Variants in TBC1D1 observed in about 807,000 individuals in gnomAD.
TBC1D1 encodes TBC1 (tre-2/USP6, BUB2, cdc16) domain family, member 1.
Under a neutral mutation model 125.6 loss-of-function variants are expected in TBC1D1, and 89 were observed. The observed-to-expected ratio is 0.71, with a 90% CI of 0.60 to 0.85. The LOEUF (loss-of-function observed/expected upper bound fraction) is 0.85. Ranked by LOEUF, TBC1D1 falls within the 40% of genes least tolerant of loss-of-function variation. TBC1D1 has a pLI of 0.00. For synonymous variants in TBC1D1, 565 were observed against 564.1 expected (o/e 1.00, Z -0.02); for missense variants, 1,377 against 1,469.2 (o/e 0.94, Z 1.03).
intron 2 of TBC1D1, among the ~76,000 whole-genome samples, chr4:37,991,982 A>G (rs962787917): frequency 6.6e-6 from 1 of 152,252 alleles, no homozygotes; most frequent in Admixed American, 6.5e-5. Context: ...TGTTCGAAAC[A>G]TGTTTGGTAC....
Position 37,891,112 on chromosome 4 carries a change from G to A in TBC1D1, c.-330G>A, listed in dbSNP as rs1049484233. 1.9e-5 allele frequency: 3 copies of A among 156,688 alleles called. No homozygotes were observed. Among genetic ancestry groups the A allele is most frequent in the Non-Finnish European group, 1.4e-5 (1 of 72,518 alleles). The allele number at this position is 156,688 out of a possible 1,614,324, so 9.7% of individuals were successfully genotyped here. A position where few individuals can be genotyped will look rare whatever the true frequency, so the allele number is the denominator to read the frequency against. ...CTCTTCGGCTGCTGCTCCTGGTGCC[G>A]CCACCGTCCGCCGGTGCCTGTTGCT... On this transcript the variant is annotated 5_prime_UTR_variant, in exon 1 of 20. Coordinates refer to ENST00000261439, the MANE Select transcript of TBC1D1 (RefSeq NM_015173.4).
At chr4:38,022,352 A>C (rs546900869) in intron 6 of TBC1D1, among the ~76,000 whole-genome samples, 4 of 152,214 alleles carry the variant, frequency 2.6e-5, no homozygotes, top group Non-Finnish European at 4.4e-5. Context: ...TCCTCATCAC[A>C]TTTGTGGGAG....
At chr4:38,112,099 T>G (rs1182965622) in intron 15 of TBC1D1, 2 of 985,000 alleles carry the variant, frequency 2.0e-6, no homozygotes, top group Non-Finnish European at 2.4e-6. Flanking sequence ...TTGACCAGTT[T>G]GGGTAATAAC....
chr4:38,011,169 A>G (rs35990484), intron 2 of TBC1D1, among the ~76,000 whole-genome samples: 1 of 151,776 alleles, frequency 6.6e-6, no homozygotes, highest in Non-Finnish European at 1.5e-5. Context: ...CTGACCGACA[A>G]GGAGAAACCC....
intron 2 of TBC1D1, among the ~76,000 whole-genome samples, chr4:37,945,377 G>T (rs1054184397): frequency 4.6e-5 from 7 of 151,680 alleles, no homozygotes; most frequent in Non-Finnish European, 1.0e-4. Flanking sequence ...GCTGAACATG[G>T]TGGTGCACAC....
chr4:38,045,717 A>C (rs1749316541), intron 9 of TBC1D1, 100 bp from the exon 10 acceptor site: 1 of 787,482 alleles, frequency 1.3e-6, no homozygotes, highest in Non-Finnish European at 2.2e-6. Flanking sequence ...AGTAGATAAC[A>C]TTTTTTTCCT....
chr4:37,976,134 G>A (rs1733020821), intron 2 of TBC1D1, among the ~76,000 whole-genome samples: 1 of 152,194 alleles, frequency 6.6e-6, no homozygotes, highest in East Asian at 1.9e-4. Flanking sequence ...CACTTGTGCT[G>A]GGGGATACAA....
chr4:37,901,134 G>T (rs1461544154), intron 1 of TBC1D1, among the ~76,000 whole-genome samples: 3 of 151,906 alleles, frequency 2.0e-5, no homozygotes, highest in Non-Finnish European at 4.4e-5. Flanking sequence ...TTTGGGTTTG[G>T]GTTTGGTAGA....
intron 19 of TBC1D1, among the ~76,000 whole-genome samples, chr4:38,133,701 C>A (rs1447621177): frequency 6.6e-6 from 1 of 152,348 alleles, no homozygotes; most frequent in South Asian, 2.1e-4. Context: ...GATGATAATT[C>A]TTTGTGAGTC....
rs150670938 is a variant in TBC1D1, at chr4:38,049,697, C to T, written c.1709C>T (p.Ser570Phe). The T allele has an allele frequency of 6.2e-7, 1 of 1,614,054 alleles. No individual in the cohort carries two copies. The highest frequency in any genetic ancestry group is 1.3e-5 in the African/African-American group (1 of 74,932). ...CTCCTCGGCTCCTCGGAGGACCTGT[C>T]CAGTGACTCGGAGAGTCATCTCCCA... Residue 570 changes from serine to phenylalanine, a missense_variant, in exon 11 of 20, where the codon TCC (serine) becomes TTC (phenylalanine). Around this residue, in one of 3 missense-constraint regions of TBC1D1, gnomAD observed 822 missense variants for 824.6 expected, o/e 1.00. Coordinates refer to ENST00000261439, the MANE Select transcript of TBC1D1 (RefSeq NM_015173.4).
chr4:38,078,564 C>G (rs1379917108), intron 12 of TBC1D1, among the ~76,000 whole-genome samples: 4 of 152,128 alleles, frequency 2.6e-5, no homozygotes, highest in Non-Finnish European at 5.9e-5. Context: ...GTGAAGCCCT[C>G]ATGAATGGGA....
chr4:38,124,499 T>C (rs1170283142), intron 17 of TBC1D1, among the ~76,000 whole-genome samples: 2 of 152,256 alleles, frequency 1.3e-5, no homozygotes, highest in Non-Finnish European at 2.9e-5. Context: ...GTTGTACAGC[T>C]GTTGTACAGT....
At chr4:38,048,947 T>G (rs1349064673) in intron 10 of TBC1D1, among the ~76,000 whole-genome samples, 1 of 152,228 alleles carries the variant, frequency 6.6e-6, no homozygotes, top group Admixed American at 6.5e-5. Context: ...CAATAACTTA[T>G]GTTTGTGTAA....
rs1766986610 is a variant in TBC1D1 at position 38,138,630 on chromosome 4, C to T, written c.*1295C>T. On this transcript the variant is annotated 3_prime_UTR_variant, in exon 20 of 20. Coordinates refer to ENST00000261439, the MANE Select transcript of TBC1D1 (RefSeq NM_015173.4). Reference sequence around the variant, plus strand: ...TGCAGCCAGTCACTGTGTAAAGCCTCTCTGATGTGCACTTAAGAGTGGGTT... The same window carrying T: ...TGCAGCCAGTCACTGTGTAAAGCCTTTCTGATGTGCACTTAAGAGTGGGTT... 2 of 152,652 alleles carry T rather than the reference C, an allele frequency of 1.3e-5. No homozygotes were observed. The highest frequency in any genetic ancestry group is 1.3e-4 in the Admixed American group (2 of 15,288). 9.5% of individuals were successfully genotyped at this position (152,652 alleles called of 1,614,324 possible). A position where few individuals can be genotyped will look rare whatever the true frequency, so the allele number is the denominator to read the frequency against.
chr4:37,952,004 AGTGCTCATCATCACT>A (rs1727977581), intron 2 of TBC1D1: 1 of 717,572 alleles, frequency 1.4e-6, no homozygotes, highest in Non-Finnish European at 2.6e-6. Flanking sequence ...CCTGTATTAC[AGTGCTCATCATCACT>A]GTAGGGGACC....
intron 12 of TBC1D1, among the ~76,000 whole-genome samples, chr4:38,079,228 A>G (rs570989248): frequency 6.6e-6 from 1 of 152,242 alleles, no homozygotes; most frequent in Admixed American, 6.5e-5. Flanking sequence ...TAGGTGAGTC[A>G]TCAGTCTGTC....
chr4:37,980,462 T>C (rs1734132000), intron 2 of TBC1D1, among the ~76,000 whole-genome samples: 1 of 152,240 alleles, frequency 6.6e-6, no homozygotes, highest in Non-Finnish European at 1.5e-5. Flanking sequence ...TATCTACTGT[T>C]TCTATGCCTC....
chr4:38,078,277 C>T lies in TBC1D1; in HGVS notation c.2051-11655C>T, dbSNP rs142532573. ...TCAAGGCCATCCCATGCCTTTCCAT[C>T]GTAATAAAGCCTTGTTTCCTGGGCT... On this transcript the variant is annotated intron_variant, in intron 12 of 19. Coordinates refer to ENST00000261439, the MANE Select transcript of TBC1D1 (RefSeq NM_015173.4). 9.0e-3 allele frequency among the ~76,000 whole-genome samples: 1,371 copies of T among 152,290 alleles called. 12 individuals are homozygous for T. Among genetic ancestry groups the T allele is most frequent in the Non-Finnish European group, 0.014 (969 of 68,020 alleles).
At chr4:38,059,884 C>G in intron 12 of TBC1D1, among the ~76,000 whole-genome samples, 1 of 152,116 alleles carries the variant, frequency 6.6e-6, no homozygotes, top group East Asian at 1.9e-4. Flanking sequence ...CTCCCTGCCG[C>G]CCCCCAACAG....
Sources: allele counts gnomAD v4.1 joint callset (sites outside exome capture counted in the v4.1 genomes callset), GRCh38; gene constraint gnomAD v4.1.1; regional missense constraint gnomAD v4.1.1; transcripts MANE v1.5; gene names NCBI Gene and HGNC (gene_info 2026-07-23, HGNC 2026-07-21).